The following ELF1 variants were observed in gnomAD, a reference collection of about 807,000 sequenced individuals.
ELF1 encodes E74 like ETS transcription factor 1.
A neutral mutation model predicts 59.9 loss-of-function variants in ELF1; 24 were observed. The ratio of observed to expected loss-of-function variants is 0.40; its 90% CI spans 0.29 to 0.56. ELF1 has a LOEUF of 0.56. ELF1 is among the 20% of genes least tolerant of loss of function. The pLI is 0.44. For missense variants in ELF1, 627 were observed against 742.2 expected (o/e 0.84, Z 1.80); for synonymous variants, 248 against 266.2 (o/e 0.93, Z 0.67).
intron 8 of ELF1, among the ~76,000 whole-genome samples, chr13:40,934,286 G>A (rs1869614411): frequency 6.6e-6 from 1 of 152,056 alleles, no homozygotes; most frequent in South Asian, 2.1e-4. Flanking sequence ...CTGTACATAG[G>A]GCCACATTAA....
At position 40,941,235 on chromosome 13, in the gene ELF1, C is replaced by T. The variant is rs7987185; in HGVS notation, c.942G>A (p.Ser314=). 271,177 of 1,613,924 alleles carry T rather than the reference C, an allele frequency of 0.17. 24,246 individuals are homozygous for T. Among genetic ancestry groups the T allele is most frequent in the African/African-American group, 0.22 (16,575 of 74,954 alleles). Reference sequence around the variant, plus strand: ...TATTTGAAGTGGCTGATGAAGATAGCGATGGATCTGAAGACTCTATGCTGG... The same window carrying T: ...TATTTGAAGTGGCTGATGAAGATAGTGATGGATCTGAAGACTCTATGCTGG... ...PSSSIESSDP[S]LSSSATSNRN... The change falls in exon 8 of 9, where the codon TCG becomes TCA. Residue 314 remains serine, a synonymous_variant. Coordinates refer to ENST00000239882, the MANE Select transcript of ELF1 (RefSeq NM_172373.4).
chr13:40,986,755 T>A (rs1255799225), intron 1 of ELF1, among the ~76,000 whole-genome samples: 1 of 151,710 alleles, frequency 6.6e-6, no homozygotes, highest in African/African-American at 2.4e-5. Flanking sequence ...TACTAGCTAC[T>A]ACAACCACTT....
intron 2 of ELF1, among the ~76,000 whole-genome samples, chr13:40,979,543 T>C (rs920385204): frequency 2.0e-5 from 3 of 152,214 alleles, no homozygotes; most frequent in East Asian, 1.9e-4. Flanking sequence ...CACTGCAATA[T>C]TGTACATCAT....
intron 3 of ELF1, among the ~76,000 whole-genome samples, chr13:40,955,911 C>T (rs1172935363): frequency 1.5e-5 from 2 of 130,098 alleles, no homozygotes; most frequent in African/African-American, 5.8e-5. Context: ...GGGAGGTCAG[C>T]CCCCCGCCCG....
chr13:40,987,738 C>T (rs1290210257), intron 1 of ELF1, among the ~76,000 whole-genome samples: 2 of 152,036 alleles, frequency 1.3e-5, no homozygotes, highest in East Asian at 3.9e-4. Flanking sequence ...GTATGTAATT[C>T]AGACTGTGTC....
At chr13:41,039,040 T>C (rs1030676486) in intron 1 of ELF1, among the ~76,000 whole-genome samples, 7 of 145,688 alleles carry the variant, frequency 4.8e-5, no homozygotes, top group African/African-American at 1.8e-4. Context: ...TTTCTATGTA[T>C]GACAAAAGGG....
intron 5 of ELF1, among the ~76,000 whole-genome samples, chr13:40,944,466 CCA>C (rs1262461937): frequency 9.9e-5 from 15 of 152,260 alleles, no homozygotes; most frequent in Admixed American, 5.9e-4. Context: ...TTTTGGTGAA[CCA>C]CATAGTTAAA....
chr13:40,981,244 T>C (rs1008618907), intron 2 of ELF1, among the ~76,000 whole-genome samples: 7 of 152,084 alleles, frequency 4.6e-5, no homozygotes, highest in African/African-American at 1.4e-4. Flanking sequence ...ATTTCTCCCA[T>C]ATCATGTCTT....
chr13:41,016,726 C>G (rs1036925154), intron 1 of ELF1, among the ~76,000 whole-genome samples: 9 of 151,118 alleles, frequency 6.0e-5, no homozygotes, highest in African/African-American at 2.2e-4. Context: ...ACCAGCCTAA[C>G]CAACATGGAG....
chr13:40,947,735 G>A (rs886417633), intron 5 of ELF1, among the ~76,000 whole-genome samples: 7 of 152,144 alleles, frequency 4.6e-5, no homozygotes, highest in Admixed American at 3.3e-4. Context: ...ATAAAGCCCC[G>A]TTGAAGCTGA....
chr13:41,060,389 G>A (rs1043801537), intron 1 of ELF1, among the ~76,000 whole-genome samples: 1 of 152,218 alleles, frequency 6.6e-6, no homozygotes. Context: ...GCTGGGAGGA[G>A]ATAACGCAAG....
intron 1 of ELF1, among the ~76,000 whole-genome samples, chr13:41,000,074 G>A (rs1232132186): frequency 1.3e-5 from 2 of 152,068 alleles, no homozygotes; most frequent in Non-Finnish European, 2.9e-5. Context: ...GTTATCCAAT[G>A]AAGAAATATG....
rs74047265 is a variant in ELF1 at position 40,967,215 on chromosome 13, T to C, written c.73-8199A>G. ...TTTAAAAAACAAAAACCCAGCACCT[T>C]ACTCTATTACAACACGATCTGACAG... On this transcript the variant is annotated intron_variant, in intron 2 of 8. Coordinates refer to ENST00000239882, the MANE Select transcript of ELF1 (RefSeq NM_172373.4). Among the ~76,000 whole-genome samples the C allele has an allele frequency of 6.7e-3, 1,025 of 152,306 alleles. 7 individuals are homozygous for C. The highest frequency in any genetic ancestry group is 0.024 in the African/African-American group (978 of 41,560).
intron 1 of ELF1, among the ~76,000 whole-genome samples, chr13:41,043,688 T>G (rs1329105173): frequency 1.3e-5 from 2 of 152,248 alleles, no homozygotes; most frequent in Non-Finnish European, 2.9e-5. Context: ...AATACCATGC[T>G]GTTTTGCTTA....
intron 1 of ELF1, among the ~76,000 whole-genome samples, chr13:41,013,650 A>C (rs1460685348): frequency 3.3e-5 from 5 of 152,186 alleles, no homozygotes; most frequent in African/African-American, 1.2e-4. Context: ...GATACTTATA[A>C]ATATGAGGCA....
At chr13:41,045,670 T>A (rs1313073578) in intron 1 of ELF1, among the ~76,000 whole-genome samples, 1 of 152,224 alleles carries the variant, frequency 6.6e-6, no homozygotes, top group Non-Finnish European at 1.5e-5. Context: ...TCTGTTCTTT[T>A]ACATTTGCTG....
chr13:40,942,080 T>C (rs1251252351), intron 7 of ELF1, among the ~76,000 whole-genome samples: 1 of 152,252 alleles, frequency 6.6e-6, no homozygotes, highest in Non-Finnish European at 1.5e-5. Flanking sequence ...TTTGATTCAA[T>C]AAATTTAAAT....
chr13:40,937,812 GGTTT>G (rs767497417), intron 8 of ELF1, among the ~76,000 whole-genome samples: 3 of 151,770 alleles, frequency 2.0e-5, no homozygotes, highest in Non-Finnish European at 2.9e-5. Context: ...CATTTTCACA[GGTTT>G]GTTTATTTAT....
At chr13:40,979,413 A>T (rs1173204943) in intron 2 of ELF1, among the ~76,000 whole-genome samples, 1 of 152,178 alleles carries the variant, frequency 6.6e-6, no homozygotes, top group Admixed American at 6.5e-5. Flanking sequence ...AACTTGCCCA[A>T]AGTCACAGAG....
Sources: gnomAD v4.1 joint callset for allele counts (sites outside exome capture counted in the v4.1 genomes callset) on GRCh38, gnomAD v4.1.1 for gene constraint, MANE v1.5 for transcripts, NCBI Gene and HGNC (gene_info 2026-07-23, HGNC 2026-07-21) for gene names.